The following HADH variants were observed in gnomAD, a reference collection of about 807,000 sequenced individuals.
HADH encodes hydroxyacyl-coenzyme A dehydrogenase, mitochondrial.
Under a neutral mutation model 32.2 loss-of-function variants are expected in HADH, and 24 were observed. That is an observed-to-expected ratio of 0.75 (90% CI 0.54 to 1.05). HADH has a LOEUF of 1.05. Among genes scored for constraint, HADH ranks in the 50% least tolerant of loss-of-function variants. HADH has a pLI of 0.00. For missense variants in HADH, 350 were observed against 397.1 expected, an observed-to-expected ratio of 0.88 and a Z score of 1.01; for synonymous variants, 139 against 152.5, an observed-to-expected ratio of 0.91 and a Z score of 0.65.
intron 1 of HADH, chr4:108,004,916 A>G: frequency 6.5e-7 from 1 of 1,534,580 alleles, no homozygotes; most frequent in Non-Finnish European, 8.7e-7. Flanking sequence ...ATTGTTAAAG[A>G]GGTAAGATGA....
intron 1 of HADH, among the ~76,000 whole-genome samples, chr4:107,991,169 A>T (rs115352980): frequency 0.13 from 19,241 of 150,822 alleles, 1,940 homozygotes; most frequent in African/African-American, 0.28. Flanking sequence ...TTTTTTTTAA[A>T]AATTATTCCA....
chr4:108,004,952 T>G lies in HADH; in HGVS notation c.133-4807T>G, dbSNP rs147631865. On this transcript the variant is annotated intron_variant, in intron 1 of 7. Coordinates refer to ENST00000309522, the MANE Select transcript of HADH (RefSeq NM_005327.7). ...CCCTAAACTAGTATTCAGGATGTTA[T>G]GTGGTACTAAAAGGAATGTTAAACG... The G allele has an allele frequency of 1.3e-3, 1,941 of 1,469,354 alleles. 23 individuals are homozygous for G. The African/African-American group carries it at 0.024, about 18-fold the overall frequency. The allele number at this position is 1,469,354 out of a possible 1,614,324, so 91.0% of individuals were successfully genotyped here.
At chr4:108,034,148 G>C in intron 7 of HADH, 91 bp from the exon 8 acceptor site, 4 of 894,252 alleles carry the variant, frequency 4.5e-6, no homozygotes, top group Non-Finnish European at 7.6e-6. Flanking sequence ...TCCCACATCA[G>C]AGGCAGGCCT....
intron 1 of HADH, among the ~76,000 whole-genome samples, chr4:107,995,054 TTC>T (rs1448367355): frequency 6.6e-6 from 1 of 152,258 alleles, no homozygotes; most frequent in East Asian, 1.9e-4. Flanking sequence ...CCCCTCTCCC[TTC>T]TCTCTTATCT....
Position 108,019,674 on chromosome 4 carries a change from G to A in HADH, c.546+8G>A. On this transcript the variant is annotated splice_region_variant and intron_variant, in intron 4 of 7. Transcript: ENST00000309522. ...GTCATGAAACTTGTGGAGGTCAGTG[G>A]GTGTCAGCTTGTGTGTGTCTGCCCG... 1 of 1,613,938 alleles carries A rather than the reference G, an allele frequency of 6.2e-7. No individual in the cohort carries two copies. The highest frequency in any genetic ancestry group is 2.2e-5 in the East Asian group (1 of 44,872).
intron 1 of HADH, among the ~76,000 whole-genome samples, chr4:107,991,901 G>A (rs570858984): frequency 5.1e-4 from 78 of 152,324 alleles, no homozygotes; most frequent in Non-Finnish European, 1.0e-3. Context: ...TGTGGCTGGT[G>A]TCCTTGAAGA....
rs78132296 is a variant in HADH at position 108,033,883 on chromosome 4, G to A, written c.827-356G>A. 5.2e-3 allele frequency among the ~76,000 whole-genome samples: 796 copies of A among 152,368 alleles called. 5 individuals are homozygous for A. The highest frequency in any genetic ancestry group is 9.6e-3 in the Non-Finnish European group (654 of 68,036). On this transcript the variant is annotated intron_variant, in intron 7 of 7. Transcript: ENST00000309522. ...GGCAGGAATGCAGATTTTTTAACGTGTATTCTGAAAGTTAACTGTGCCAGT... is the reference window on the plus strand; with the variant it reads ...GGCAGGAATGCAGATTTTTTAACGTATATTCTGAAAGTTAACTGTGCCAGT...
At chr4:107,993,353 T>C (rs1309802716) in intron 1 of HADH, among the ~76,000 whole-genome samples, 4 of 152,288 alleles carry the variant, frequency 2.6e-5, no homozygotes, top group African/African-American at 9.6e-5. Flanking sequence ...GGGAGAACAC[T>C]TTTTAGTTAC....
chr4:107,996,959 C>G (rs1026939497), intron 1 of HADH, among the ~76,000 whole-genome samples: 2 of 151,032 alleles, frequency 1.3e-5, no homozygotes, highest in African/African-American at 4.9e-5. Context: ...CTCAACAGAA[C>G]AGCTTTTGCT....
intron 1 of HADH, among the ~76,000 whole-genome samples, chr4:108,000,053 A>G (rs1735075561): frequency 6.6e-6 from 1 of 152,254 alleles, no homozygotes; most frequent in Admixed American, 6.5e-5. Flanking sequence ...GCCTGTAGAT[A>G]GGAGTGTTCC....
In HADH at chr4:108,014,476, A is replaced by G. The variant is rs778926835; in HGVS notation, c.307A>G (p.Ser103Gly). The change falls in exon 3 of 8, where the codon AGC becomes GGC. Residue 103 changes from serine (S) to glycine (G), a missense_variant. By Grantham distance (56) the Ser-to-Gly change is moderately conservative. Coordinates refer to ENST00000309522, the MANE Select transcript of HADH (RefSeq NM_005327.7). ...VEKTLSTIAT[S>G]TDAASVVHST... ...GAAGACCCTGAGCACCATAGCGACC[A>G]GCACGGATGCAGCCTCCGTTGTCCA... 1.9e-6 allele frequency: 3 copies of G among 1,614,188 alleles called. No homozygotes were observed. The highest frequency in any genetic ancestry group is 2.5e-6 in the Non-Finnish European group (3 of 1,180,018).
chr4:108,006,382 T>G (rs1735293281), intron 1 of HADH, among the ~76,000 whole-genome samples: 2 of 152,160 alleles, frequency 1.3e-5, no homozygotes, highest in South Asian at 2.1e-4. Flanking sequence ...GCTCAGTATC[T>G]GGGGGTGTTT....
At chr4:108,000,879 G>A (rs1411787152) in intron 1 of HADH, among the ~76,000 whole-genome samples, 1 of 152,156 alleles carries the variant, frequency 6.6e-6, no homozygotes, top group Admixed American at 6.5e-5. Flanking sequence ...TTGTTATTTA[G>A]CAGTTATTGA....
Position 108,027,729 on chromosome 4 carries a change from C to A in HADH, c.678C>A (p.Tyr226Ter). ...GFIVNRLLVPYLMEAIRLYER... is the reference protein window; with the variant it reads ...GFIVNRLLVP ...TTGTGAACCGCCTCCTGGTTCCATA[C>A]CTCATGGAAGCAATCAGGCTGTATG... Residue 226 changes from tyrosine (Y) to a stop codon, truncating the protein, a stop_gained, in exon 6 of 8, where the codon TAC becomes TAA. Coordinates refer to ENST00000309522, the MANE Select transcript of HADH (RefSeq NM_005327.7). LOFTEE classifies it high-confidence loss of function. 1 of 1,609,490 alleles carries A rather than the reference C, an allele frequency of 6.2e-7. No homozygotes were observed. The highest frequency in any genetic ancestry group is 8.5e-7 in the Non-Finnish European group (1 of 1,175,824).
rs761794724 is a variant in HADH at position 108,009,902 on chromosome 4, T to C, written c.261+15T>C. Reference sequence around the variant, plus strand: ...AAAACCTTAAGGTAATTTCTTATTATCGATGTCTTCAAGACAAGTCCTCTG... The same window carrying C: ...AAAACCTTAAGGTAATTTCTTATTACCGATGTCTTCAAGACAAGTCCTCTG... On this transcript the variant is annotated intron_variant, in intron 2 of 7. Coordinates refer to ENST00000309522, the MANE Select transcript of HADH (RefSeq NM_005327.7). 6.3e-7 allele frequency: 1 copy of C among 1,583,272 alleles called. No homozygotes were observed. Among genetic ancestry groups the C allele is most frequent in the South Asian group, 1.1e-5 (1 of 90,488 alleles).
In HADH at chr4:108,011,643, A is replaced by G. The variant is rs535207481; in HGVS notation, c.261+1756A>G. On this transcript the variant is annotated intron_variant, in intron 2 of 7. Transcript: ENST00000309522. The stretch of plus-strand genomic sequence containing the variant: ...TATTGGTTTGGAGTCTCTGTTTTCA[A>G]TTCTTTGGGTTATATACCTACAAGT... Among the ~76,000 whole-genome samples the G allele has an allele frequency of 4.6e-5, 7 of 152,300 alleles. No homozygotes were observed. In the South Asian group the frequency reaches 1.2e-3, roughly 27 times the overall value.
At chr4:108,032,759 G>T (rs1736315814) in intron 6 of HADH, 2 of 327,660 alleles carry the variant, frequency 6.1e-6, no homozygotes, top group South Asian at 3.2e-5. Context: ...GAGACGGGAG[G>T]ATCACTTGAG....
chr4:108,033,222 C>G lies in HADH; in HGVS notation c.756C>G (p.Ala252=), dbSNP rs773255849. ...TTGACACTGCTATGAAATTAGGAGC[C>G]GGTTACCCCATGGGCCCATTTGAGC... ...EDIDTAMKLG[A]GYPMGPFELL... is the part of the protein sequence containing the mutation. The change falls in exon 7 of 8, where the codon GCC becomes GCG. Residue 252 remains alanine (A), a synonymous_variant. Transcript: ENST00000309522. 5.0e-6 allele frequency: 8 copies of G among 1,610,852 alleles called. No homozygotes were observed. The highest frequency in any genetic ancestry group is 1.7e-4 in the Middle Eastern group (1 of 6,056).
At chr4:108,027,302 C>G (rs1313559906) in intron 5 of HADH, 1 of 351,936 alleles carries the variant, frequency 2.8e-6, no homozygotes, top group Non-Finnish European at 5.5e-6. Context: ...ATCTTCACAA[C>G]TTTGAGACAA....
Sources: allele counts gnomAD v4.1 joint callset (sites outside exome capture counted in the v4.1 genomes callset), GRCh38; gene constraint gnomAD v4.1.1; transcripts MANE v1.5; gene names NCBI Gene and HGNC (gene_info 2026-07-23, HGNC 2026-07-21).